SLC35A1: variants seen among roughly 807,000 people sequenced by gnomAD.
SLC35A1 encodes the protein solute carrier family 35 member A1, also known as CMP-sialic acid transporter.
In SLC35A1, 21 loss-of-function variants were observed where a neutral mutation model predicts 40.3. The ratio of observed to expected loss-of-function variants is 0.52; its 90% CI spans 0.37 to 0.75. The LOEUF is 0.75. Ranked by LOEUF, SLC35A1 falls within the 30% of genes least tolerant of loss-of-function variation. The probability of loss-of-function intolerance (pLI) is 0.00; values close to 1 mark genes in which losing one functional copy is unlikely to be tolerated. For missense variants in SLC35A1, 297 were observed against 382.1 expected, an observed-to-expected ratio of 0.78 and a Z score of 1.86; for synonymous variants, 146 against 147.3, an observed-to-expected ratio of 0.99 and a Z score of 0.06.
chr6:87,500,084 A>G (rs141158368), intron 2 of SLC35A1, among the ~76,000 whole-genome samples: 197 of 152,332 alleles, frequency 1.3e-3, no homozygotes, highest in African/African-American at 3.9e-3. Flanking sequence ...CCGGGGCGAC[A>G]CAACAAGACT....
In SLC35A1 at chr6:87,500,686, A is replaced by G. The variant is rs377549943; in HGVS notation, c.354+19A>G. 1 of 1,612,782 alleles carries G rather than the reference A, an allele frequency of 6.2e-7. No individual in the cohort carries two copies. Among genetic ancestry groups the G allele is most frequent in the Non-Finnish European group, 8.5e-7 (1 of 1,178,794 alleles). ...GTACCAGGTAAGTGGAGTTAATGAT[A>G]ATGAAAAGCACAGAATCTTTTATGG... is the stretch of plus-strand genomic sequence containing the variant. On this transcript the variant is annotated intron_variant, in intron 3 of 7. Coordinates refer to ENST00000369552, the MANE Select transcript of SLC35A1 (RefSeq NM_006416.5).
intron 2 of SLC35A1, among the ~76,000 whole-genome samples, chr6:87,496,895 C>G (rs1769748884): frequency 6.6e-6 from 1 of 151,578 alleles, no homozygotes; most frequent in Non-Finnish European, 1.5e-5. Flanking sequence ...TCATTTGTTT[C>G]TATCTCTTTC....
chr6:87,501,478 A>C (rs925981043), intron 4 of SLC35A1, among the ~76,000 whole-genome samples, 168 bp downstream of exon 4: 6 of 152,204 alleles, frequency 3.9e-5, no homozygotes, highest in Non-Finnish European at 7.3e-5. Context: ...AGGGATAATA[A>C]TACTTATTGG....
rs1266616919 is a variant in SLC35A1, at chr6:87,508,962, T to G, written c.752-79T>G. 8 of 1,449,814 alleles carry G rather than the reference T, an allele frequency of 5.5e-6. No individual in the cohort carries two copies. The Admixed American group carries it at 6.7e-5, about 12-fold the overall frequency. The allele number at this position is 1,449,814 out of a possible 1,614,324, so 89.8% of individuals were successfully genotyped here. A position where few individuals can be genotyped will look rare whatever the true frequency, so the allele number is the denominator to read the frequency against. ...TTTCCTAGGTAAAGTATGGCATCTC[T>G]GGGGATGAAAATTGCCTCACCATTA... On this transcript the variant is annotated intron_variant, in intron 6 of 7. Transcript: ENST00000369552.
chr6:87,501,709 G>A (rs1284784527), intron 4 of SLC35A1, among the ~76,000 whole-genome samples: 2 of 152,134 alleles, frequency 1.3e-5, no homozygotes, highest in Non-Finnish European at 2.9e-5. Context: ...CAGAAACACT[G>A]GGCAAGGTTT....
intron 2 of SLC35A1, among the ~76,000 whole-genome samples, chr6:87,494,755 A>C (rs1769668329): frequency 6.6e-6 from 1 of 152,112 alleles, no homozygotes; most frequent in Non-Finnish European, 1.5e-5. Flanking sequence ...ATCAATTTCT[A>C]AGCTATAATT....
intron 2 of SLC35A1, among the ~76,000 whole-genome samples, chr6:87,485,766 G>GA (rs778636263): frequency 1.1e-4 from 16 of 144,096 alleles, no homozygotes; most frequent in South Asian, 2.2e-4. Flanking sequence ...CTCAGAAAAA[G>GA]AAAAAAAAAA....
chr6:87,508,873 T>C (rs1770169219), intron 6 of SLC35A1, among the ~76,000 whole-genome samples, 168 bp from the exon 7 acceptor site: 1 of 128,586 alleles, frequency 7.8e-6, no homozygotes, highest in South Asian at 2.5e-4. Context: ...CAGTGTTATA[T>C]AGGAACTACC....
intron 3 of SLC35A1, 142 bp downstream of exon 3, chr6:87,500,809 G>A (rs1582189262): frequency 1.1e-5 from 9 of 820,148 alleles, no homozygotes; most frequent in South Asian, 1.7e-5. Flanking sequence ...GTGCAGTGAC[G>A]TGATCTCAGC....
chr6:87,483,062 G>A (rs1769288409), intron 2 of SLC35A1, among the ~76,000 whole-genome samples: 1 of 152,014 alleles, frequency 6.6e-6, no homozygotes, highest in African/African-American at 2.4e-5. Context: ...GTATTGGAGT[G>A]TTATAGAGTC....
intron 2 of SLC35A1, chr6:87,488,600 T>G (rs1769453377): frequency 6.6e-6 from 1 of 152,250 alleles, no homozygotes; most frequent in Admixed American, 6.5e-5. Context: ...TAGAACTTTG[T>G]AAGAGTTAAA....
chr6:87,506,501 A>C, intron 5 of SLC35A1, 53 bp downstream of exon 5: 1 of 1,424,162 alleles, frequency 7.0e-7, no homozygotes, highest in South Asian at 1.1e-5. Flanking sequence ...CGAAAACATC[A>C]AACTTTAGAC....
intron 4 of SLC35A1, among the ~76,000 whole-genome samples, chr6:87,502,073 G>A (rs1236813719): frequency 6.6e-6 from 1 of 152,096 alleles, no homozygotes; most frequent in Non-Finnish European, 1.5e-5. Context: ...AAGGCGGCTG[G>A]GATGTACAGT....
At chr6:87,483,044 A>T (rs984165483) in intron 2 of SLC35A1, among the ~76,000 whole-genome samples, 1 of 152,158 alleles carries the variant, frequency 6.6e-6, no homozygotes, top group African/African-American at 2.4e-5. Flanking sequence ...TACACTGACA[A>T]CAAGGTGGTA....
rs996990645 is a variant in SLC35A1 at position 87,511,643 on chromosome 6, T to C, written c.*117T>C. 2.5e-5 allele frequency: 28 copies of C among 1,120,002 alleles called. 1 individual carries two copies. The South Asian group carries it at 3.5e-4, about 14-fold the overall frequency. 69.4% of individuals were successfully genotyped at this position (1,120,002 alleles called of 1,614,324 possible). A position where few individuals can be genotyped will look rare whatever the true frequency, so the allele number is the denominator to read the frequency against. On this transcript the variant is annotated 3_prime_UTR_variant, in exon 8 of 8. Transcript: ENST00000369552. ...AAAATTAACTGTATGGCATGATCAG[T>C]GCGGTTATGTGGAAACAACAACAAA...
At chr6:87,477,614 C>T in intron 2 of SLC35A1, 75 bp downstream of exon 2, 1 of 1,246,514 alleles carries the variant, frequency 8.0e-7, no homozygotes, top group Non-Finnish European at 1.2e-6. Flanking sequence ...ATTCAAGCTA[C>T]ATCTTTATAT....
At chr6:87,496,897 ATC>A (rs1247938667) in intron 2 of SLC35A1, among the ~76,000 whole-genome samples, 1 of 151,928 alleles carries the variant, frequency 6.6e-6, no homozygotes, top group Non-Finnish European at 1.5e-5. Flanking sequence ...ATTTGTTTCT[ATC>A]TCTTTCATAG....
chr6:87,475,295 T>A (rs1338857301), intron 1 of SLC35A1, among the ~76,000 whole-genome samples: 1 of 152,258 alleles, frequency 6.6e-6, no homozygotes, highest in Non-Finnish European at 1.5e-5. Flanking sequence ...AATCGTGAGT[T>A]CACAGGCCTC....
At chr6:87,497,419 C>T (rs1769763342) in intron 2 of SLC35A1, among the ~76,000 whole-genome samples, 1 of 152,136 alleles carries the variant, frequency 6.6e-6, no homozygotes, top group African/African-American at 2.4e-5. Context: ...AGAGACAGAT[C>T]TGAAGGTTAA....
Sources: gnomAD v4.1 joint callset for allele counts (sites outside exome capture counted in the v4.1 genomes callset) on GRCh38, gnomAD v4.1.1 for gene constraint, MANE v1.5 for transcripts, NCBI Gene and HGNC (gene_info 2026-07-23, HGNC 2026-07-21) for gene names.